HPSE2: variants seen among roughly 807,000 people sequenced by gnomAD.
HPSE2 encodes the protein inactive heparanase-2.
In HPSE2, 38 loss-of-function variants were observed where a neutral mutation model predicts 60.5. The ratio of observed to expected loss-of-function variants is 0.63; its 90% CI spans 0.48 to 0.82. The LOEUF (loss-of-function observed/expected upper bound fraction) is 0.82, where lower values mean the gene tolerates loss of function less well. HPSE2 is among the 40% of genes least tolerant of loss of function. HPSE2 has a pLI of 0.00. For missense variants in HPSE2, 713 were observed against 740.4 expected (o/e 0.96, Z 0.43); for synonymous variants, 295 against 293.2 (o/e 1.01, Z -0.06).
At chr10:99,132,239 G>GAAAA (rs60464523) in intron 3 of HPSE2, among the ~76,000 whole-genome samples, 1 of 54,238 alleles carries the variant, frequency 1.8e-5, no homozygotes, top group African/African-American at 4.2e-5. Flanking sequence ...GAGAGAGAGA[G>GAAAA]AGAGAAAGAA....
At chr10:98,810,660 G>T (rs183818647) in intron 3 of HPSE2, among the ~76,000 whole-genome samples, 3 of 152,104 alleles carry the variant, frequency 2.0e-5, no homozygotes, top group Admixed American at 2.0e-4. Flanking sequence ...TAGACCAGGG[G>T]TATACGGTCT....
intron 3 of HPSE2, among the ~76,000 whole-genome samples, chr10:98,977,995 T>C (rs1956124372): frequency 6.6e-6 from 1 of 151,924 alleles, no homozygotes; most frequent in Non-Finnish European, 1.5e-5. Context: ...AATAATGTAT[T>C]ATTATTTCAC....
intron 9 of HPSE2, among the ~76,000 whole-genome samples, chr10:98,601,112 G>A (rs568601603): frequency 3.9e-4 from 51 of 129,170 alleles, no homozygotes; most frequent in African/African-American, 1.3e-3. Flanking sequence ...CCTGAAGGCA[G>A]TCTGCTGGCA....
intron 3 of HPSE2, among the ~76,000 whole-genome samples, chr10:98,809,134 T>C (rs1951107819): frequency 6.6e-6 from 1 of 152,104 alleles, no homozygotes; most frequent in South Asian, 2.1e-4. Context: ...TGATAATAAA[T>C]ATACAAAGGT....
At chr10:99,167,881 G>C (rs935783907) in intron 2 of HPSE2, among the ~76,000 whole-genome samples, 8 of 148,328 alleles carry the variant, frequency 5.4e-5, no homozygotes, top group Non-Finnish European at 7.5e-5. Context: ...AACACATTTT[G>C]TCTCTCTCTC....
At chr10:99,132,241 G>GAAAGAGAAAGAAAGAAAGAA (rs58521993) in intron 3 of HPSE2, among the ~76,000 whole-genome samples, 3 of 28,948 alleles carry the variant, frequency 1.0e-4, no homozygotes, top group African/African-American at 3.2e-4. Flanking sequence ...GAGAGAGAGA[G>GAAAGAGAAAGAAAGAAAGAA]AGAAAGAAAG....
intron 9 of HPSE2, among the ~76,000 whole-genome samples, chr10:98,586,724 A>G (rs1944950537): frequency 6.6e-6 from 1 of 152,220 alleles, no homozygotes; most frequent in African/African-American, 2.4e-5. Flanking sequence ...GATCAGAATA[A>G]TGAAAAGGAA....
At chr10:98,779,781 T>C (rs1950423897) in intron 3 of HPSE2, among the ~76,000 whole-genome samples, 1 of 152,164 alleles carries the variant, frequency 6.6e-6, no homozygotes, top group African/African-American at 2.4e-5. Flanking sequence ...AGACAGTCCC[T>C]AATTTCTAAA....
chr10:98,812,434 A>G (rs1210329494), intron 3 of HPSE2, among the ~76,000 whole-genome samples: 1 of 152,132 alleles, frequency 6.6e-6, no homozygotes, highest in Non-Finnish European at 1.5e-5. Context: ...GATTTCTGAG[A>G]CTTCAACCAT....
intron 3 of HPSE2, among the ~76,000 whole-genome samples, chr10:99,080,297 C>CA (rs974740571): frequency 2.6e-5 from 4 of 151,402 alleles, no homozygotes; most frequent in African/African-American, 4.8e-5. Context: ...TTATCTTAGC[C>CA]AAAAAAAACC....
intron 3 of HPSE2, among the ~76,000 whole-genome samples, chr10:98,977,716 A>G (rs1484830240): frequency 1.3e-5 from 2 of 152,028 alleles, no homozygotes; most frequent in Admixed American, 6.6e-5. Context: ...GACTACAATA[A>G]CTTTTGCCTC....
At chr10:99,172,134 C>G (rs1399079833) in intron 2 of HPSE2, among the ~76,000 whole-genome samples, 1 of 152,196 alleles carries the variant, frequency 6.6e-6, no homozygotes, top group African/African-American at 2.4e-5. Flanking sequence ...ATCCCATCAT[C>G]CAGATAGTGA....
chr10:99,144,185 A>C, intron 3 of HPSE2, 53 bp downstream of exon 3: 1 of 1,585,084 alleles, frequency 6.3e-7, no homozygotes, highest in South Asian at 1.1e-5. Context: ...TACCCCAAAA[A>C]ACAAGTTACT....
At chr10:98,612,639 A>T (rs1945793530) in intron 9 of HPSE2, among the ~76,000 whole-genome samples, 1 of 152,214 alleles carries the variant, frequency 6.6e-6, no homozygotes, top group Non-Finnish European at 1.5e-5. Context: ...GAATAAAGGA[A>T]AAAAGGAAAG....
At chr10:98,785,600 GA>G (rs1304012623) in intron 3 of HPSE2, among the ~76,000 whole-genome samples, 3 of 139,328 alleles carry the variant, frequency 2.2e-5, no homozygotes, top group Non-Finnish European at 3.1e-5. Flanking sequence ...GTAAACTATT[GA>G]TTATTGCCAC....
intron 9 of HPSE2, among the ~76,000 whole-genome samples, chr10:98,609,918 TG>T (rs1427298195): frequency 6.7e-6 from 1 of 148,938 alleles, no homozygotes; most frequent in Non-Finnish European, 1.5e-5. Flanking sequence ...CTCAGCTCAC[TG>T]CAACCTCCAC....
chr10:98,464,708 C>T (rs1450469620), intron 11 of HPSE2, among the ~76,000 whole-genome samples: 1 of 152,190 alleles, frequency 6.6e-6, no homozygotes, highest in African/African-American at 2.4e-5. Context: ...GCTTTTGAGG[C>T]TCTTTTGCAT....
chr10:98,538,639 T>G (rs1943363478), intron 9 of HPSE2, among the ~76,000 whole-genome samples: 1 of 152,074 alleles, frequency 6.6e-6, no homozygotes, highest in African/African-American at 2.4e-5. Flanking sequence ...CTGCCAACTC[T>G]GCTTTTGCTG....
At chr10:98,762,936 A>G (rs1950038552) in intron 3 of HPSE2, among the ~76,000 whole-genome samples, 1 of 152,190 alleles carries the variant, frequency 6.6e-6, no homozygotes, top group Non-Finnish European at 1.5e-5. Context: ...CAGCCAGTAT[A>G]GCCATCACCC....
Sources: allele counts gnomAD v4.1 joint callset (sites outside exome capture counted in the v4.1 genomes callset), GRCh38; gene constraint gnomAD v4.1.1; transcripts MANE v1.5; gene names NCBI Gene and HGNC (gene_info 2026-07-23, HGNC 2026-07-21).